Variants in WWOX observed in about 807,000 individuals in gnomAD.
The protein encoded by WWOX is WW domain containing oxidoreductase, also known as WW domain-containing oxidoreductase.
In WWOX, 69 loss-of-function variants were observed where a neutral mutation model predicts 46.2. The ratio of observed to expected loss-of-function variants is 1.49; its 90% CI spans 1.23 to 1.82. The LOEUF is 1.82. Among genes scored for constraint, WWOX ranks in the 40% most tolerant of loss-of-function variants. WWOX has a pLI of 0.00. For missense variants in WWOX, 919 were observed against 542.6 expected (o/e 1.69, Z -6.89); for synonymous variants, 359 against 202.6 (o/e 1.77, Z -6.56).
intron 8 of WWOX, among the ~76,000 whole-genome samples, chr16:79,209,948 G>A (rs758274221): frequency 1.2e-4 from 19 of 152,320 alleles, no homozygotes; most frequent in Middle Eastern, 3.4e-3. Context: ...AGAAACAGCT[G>A]AATCCAGGAT....
chr16:78,911,990 C>A (rs1051605197), intron 8 of WWOX, among the ~76,000 whole-genome samples: 1 of 152,036 alleles, frequency 6.6e-6, no homozygotes, highest in Non-Finnish European at 1.5e-5. Flanking sequence ...GTCTGTGAAC[C>A]TTACCCAGAA....
chr16:78,858,327 T>C (rs2052616835), intron 8 of WWOX, among the ~76,000 whole-genome samples: 1 of 107,526 alleles, frequency 9.3e-6, no homozygotes, highest in Non-Finnish European at 2.0e-5. Flanking sequence ...GTCATATATA[T>C]ATATGTGTGT....
intron 8 of WWOX, among the ~76,000 whole-genome samples, chr16:79,011,225 A>C (rs1204114775): frequency 6.6e-6 from 1 of 151,696 alleles, no homozygotes; most frequent in Non-Finnish European, 1.5e-5. Flanking sequence ...TCACCCTGAA[A>C]TTCCTTAGCA....
chr16:78,697,039 C>A (rs1012078912), intron 8 of WWOX, among the ~76,000 whole-genome samples: 1 of 152,052 alleles, frequency 6.6e-6, no homozygotes, highest in Admixed American at 6.6e-5. Context: ...ATATTTATAC[C>A]GTAGTTTCTT....
chr16:78,768,844 C>A (rs1029863018), intron 8 of WWOX, among the ~76,000 whole-genome samples: 1 of 152,066 alleles, frequency 6.6e-6, no homozygotes, highest in Non-Finnish European at 1.5e-5. Flanking sequence ...GAAGGGCTTT[C>A]CAGTCAAAGA....
intron 8 of WWOX, among the ~76,000 whole-genome samples, chr16:79,209,265 A>G (rs1010061153): frequency 1.3e-5 from 2 of 152,228 alleles, no homozygotes; most frequent in Admixed American, 6.5e-5. Flanking sequence ...AGCTCCTGCA[A>G]CAATGGCATT....
intron 8 of WWOX, among the ~76,000 whole-genome samples, chr16:78,991,776 C>T (rs1265482406): frequency 6.6e-6 from 1 of 152,014 alleles, no homozygotes; most frequent in Admixed American, 6.6e-5. Flanking sequence ...AACACATTTC[C>T]GTGTTCCCAT....
chr16:78,937,861 C>T (rs1469227247), intron 8 of WWOX, among the ~76,000 whole-genome samples: 1 of 152,092 alleles, frequency 6.6e-6, no homozygotes. Flanking sequence ...CTCCTGAGGT[C>T]AAGCAATCTA....
intron 8 of WWOX, among the ~76,000 whole-genome samples, chr16:78,936,723 GT>G (rs2045745444): frequency 6.6e-6 from 1 of 152,050 alleles, no homozygotes; most frequent in Non-Finnish European, 1.5e-5. Flanking sequence ...AGCAATCACA[GT>G]TTCCAGAAAA....
intron 8 of WWOX, chr16:78,897,480 A>G (rs1392877021): frequency 1.3e-5 from 2 of 152,068 alleles, no homozygotes; most frequent in South Asian, 2.1e-4. Context: ...TTTGTGATTC[A>G]TCCATGTTGA....
chr16:79,064,211 C>G (rs1023624287), intron 8 of WWOX, among the ~76,000 whole-genome samples: 3 of 152,186 alleles, frequency 2.0e-5, no homozygotes, highest in African/African-American at 7.2e-5. Context: ...GGGGTCCTTT[C>G]ACTGACATAT....
chr16:79,132,767 G>C (rs892022455), intron 8 of WWOX, among the ~76,000 whole-genome samples: 2 of 152,180 alleles, frequency 1.3e-5, no homozygotes, highest in African/African-American at 2.4e-5. Context: ...TCTAAATTCA[G>C]TTTTGAATAT....
intron 8 of WWOX, among the ~76,000 whole-genome samples, chr16:78,770,137 G>T (rs547962670): frequency 6.6e-6 from 1 of 152,086 alleles, no homozygotes; most frequent in Admixed American, 6.5e-5. Context: ...CAATCACTGA[G>T]GTCAGGAGTT....
At chr16:78,633,532 C>T (rs771327191) in intron 8 of WWOX, among the ~76,000 whole-genome samples, 5 of 152,192 alleles carry the variant, frequency 3.3e-5, no homozygotes, top group East Asian at 1.9e-4. Context: ...CGCATGGCAA[C>T]GCTGGTTTCC....
intron 8 of WWOX, among the ~76,000 whole-genome samples, chr16:78,682,554 G>C (rs958228478): frequency 6.6e-6 from 1 of 152,116 alleles, no homozygotes; most frequent in Non-Finnish European, 1.5e-5. Context: ...TGGCACTCCA[G>C]CCTGGGTGAT....
intron 8 of WWOX, among the ~76,000 whole-genome samples, chr16:78,824,837 C>G (rs1047560135): frequency 5.9e-5 from 9 of 152,080 alleles, no homozygotes; most frequent in African/African-American, 1.4e-4. Context: ...GAGACACACC[C>G]AAAGCATATC....
chr16:79,121,113 C>A (rs186045396), intron 8 of WWOX, among the ~76,000 whole-genome samples: 1 of 152,236 alleles, frequency 6.6e-6, no homozygotes, highest in Admixed American at 6.5e-5. Flanking sequence ...AATGTAGGAC[C>A]CACTTGGAAT....
intron 8 of WWOX, among the ~76,000 whole-genome samples, chr16:79,032,880 G>C (rs60861189): frequency 0.068 from 10,321 of 151,332 alleles, 484 homozygotes; most frequent in African/African-American, 0.14. Context: ...ATTAAGCCTA[G>C]TGCCCATTAG....
At chr16:78,492,673 C>T (rs1438862087) in intron 8 of WWOX, among the ~76,000 whole-genome samples, 1 of 152,178 alleles carries the variant, frequency 6.6e-6, no homozygotes, top group Non-Finnish European at 1.5e-5. Flanking sequence ...TTGAGAAATT[C>T]TGTTTTGGTG....
Sources: gnomAD v4.1 joint callset for allele counts (sites outside exome capture counted in the v4.1 genomes callset) on GRCh38, gnomAD v4.1.1 for gene constraint, MANE v1.5 for transcripts, NCBI Gene and HGNC (gene_info 2026-07-23, HGNC 2026-07-21) for gene names.